LHFPL3: variants seen among roughly 807,000 people sequenced by gnomAD.
The protein encoded by LHFPL3 is LHFPL tetraspan subfamily member 3.
A neutral mutation model predicts 19.3 loss-of-function variants in LHFPL3; 5 were observed. The observed-to-expected ratio is 0.26, with a 90% CI of 0.14 to 0.54. The LOEUF is 0.54. Among genes scored for constraint, LHFPL3 ranks in the 20% least tolerant of loss-of-function variants. The probability of loss-of-function intolerance (pLI) is 0.94; values close to 1 mark genes in which losing one functional copy is unlikely to be tolerated. For missense variants in LHFPL3, 249 were observed against 307.4 expected, an observed-to-expected ratio of 0.81 and a Z score of 1.42; for synonymous variants, 133 against 126.2, an observed-to-expected ratio of 1.05 and a Z score of -0.36.
intron 2 of LHFPL3, among the ~76,000 whole-genome samples, chr7:104,789,546 T>A (rs4730048): frequency 0.5 from 76,478 of 151,848 alleles, 19,658 homozygotes; most frequent in East Asian, 0.83. Context: ...TTTCTGTCCC[T>A]TTACCCAGCC....
intron 1 of LHFPL3, among the ~76,000 whole-genome samples, chr7:104,559,657 C>A (rs945178810): frequency 6.6e-6 from 1 of 152,108 alleles, no homozygotes; most frequent in African/African-American, 2.4e-5. Flanking sequence ...ATTTTCCTAA[C>A]TGAATACCCT....
intron 1 of LHFPL3, among the ~76,000 whole-genome samples, chr7:104,391,010 C>T (rs180713015): frequency 5.9e-5 from 9 of 152,090 alleles, no homozygotes; most frequent in Admixed American, 2.0e-4. Flanking sequence ...TCATATCCTT[C>T]GCCTACTTTT....
chr7:104,471,212 C>T (rs1212818877), intron 1 of LHFPL3, among the ~76,000 whole-genome samples: 1 of 152,104 alleles, frequency 6.6e-6, no homozygotes, highest in East Asian at 1.9e-4. Flanking sequence ...TTCTTGGACT[C>T]TAGAAGTCAT....
intron 1 of LHFPL3, among the ~76,000 whole-genome samples, chr7:104,352,324 C>A (rs1465133181): frequency 6.6e-6 from 1 of 151,766 alleles, no homozygotes; most frequent in Non-Finnish European, 1.5e-5. Context: ...ATATTTTAAC[C>A]ATTTTACATA....
intron 1 of LHFPL3, among the ~76,000 whole-genome samples, chr7:104,445,046 A>G (rs1487244851): frequency 6.6e-6 from 1 of 151,836 alleles, no homozygotes; most frequent in Non-Finnish European, 1.5e-5. Context: ...TAATTTGAAT[A>G]TACTCTAAAG....
At chr7:104,628,865 C>T (rs1189085575) in intron 1 of LHFPL3, among the ~76,000 whole-genome samples, 1 of 152,052 alleles carries the variant, frequency 6.6e-6, no homozygotes, top group Non-Finnish European at 1.5e-5. Flanking sequence ...TTTTGGAGGC[C>T]ACATTGTAAA....
chr7:104,726,797 A>C (rs1793600059), intron 1 of LHFPL3, among the ~76,000 whole-genome samples: 1 of 152,184 alleles, frequency 6.6e-6, no homozygotes. Context: ...AAACATATGC[A>C]TGCATGTGTC....
chr7:104,476,482 G>A (rs535631887), intron 1 of LHFPL3, among the ~76,000 whole-genome samples: 2 of 150,596 alleles, frequency 1.3e-5, no homozygotes, highest in African/African-American at 2.4e-5. Flanking sequence ...TTTTTGAGAT[G>A]AAGTTTTGCT....
At position 104,551,817 on chromosome 7, in the gene LHFPL3, G is replaced by C. The variant is rs538691819; in HGVS notation, c.446-184858G>C. On this transcript the variant is annotated intron_variant, in intron 1 of 2. Transcript: ENST00000424859. The stretch of plus-strand genomic sequence containing the variant: ...ATAGTTCTCCCAGGGAGAAGCAGGA[G>C]AACGGAGGGAAAGACACCATTTGAA... Among the ~76,000 whole-genome samples the C allele has an allele frequency of 2.6e-5, 4 of 152,306 alleles. No homozygotes were observed. In the East Asian group the frequency reaches 7.7e-4, roughly 29 times the overall value.
At chr7:104,544,390 G>A (rs529489393) in intron 1 of LHFPL3, among the ~76,000 whole-genome samples, 21 of 152,260 alleles carry the variant, frequency 1.4e-4, no homozygotes, top group African/African-American at 3.9e-4. Context: ...GTGGTGATTA[G>A]GCAAACACCC....
intron 2 of LHFPL3, among the ~76,000 whole-genome samples, chr7:104,780,168 C>T (rs1584530356): frequency 6.6e-6 from 1 of 152,170 alleles, no homozygotes. Context: ...GATAGGGCCC[C>T]ACCCCACATA....
chr7:104,740,227 T>C (rs1477665696), intron 2 of LHFPL3, among the ~76,000 whole-genome samples: 1 of 152,194 alleles, frequency 6.6e-6, no homozygotes, highest in Non-Finnish European at 1.5e-5. Flanking sequence ...CTCTTTCCTT[T>C]ATAAATTACA....
chr7:104,541,325 T>C (rs1197615178), intron 1 of LHFPL3, among the ~76,000 whole-genome samples: 2 of 152,072 alleles, frequency 1.3e-5, no homozygotes, highest in African/African-American at 2.4e-5. Flanking sequence ...TGTAAATAAC[T>C]TGGGGTCAAG....
chr7:104,676,331 CA>C (rs1390727520), intron 1 of LHFPL3, among the ~76,000 whole-genome samples: 3 of 152,182 alleles, frequency 2.0e-5, no homozygotes, highest in Non-Finnish European at 2.9e-5. Context: ...ACTAACACAT[CA>C]ATAGAGGCCT....
chr7:104,498,896 T>C (rs1039040266), intron 1 of LHFPL3, among the ~76,000 whole-genome samples: 2 of 152,230 alleles, frequency 1.3e-5, no homozygotes, highest in East Asian at 3.8e-4. Context: ...AACATTTAAG[T>C]AAATTTTAAA....
chr7:104,413,207 C>T (rs898870135), intron 1 of LHFPL3, among the ~76,000 whole-genome samples: 1 of 152,182 alleles, frequency 6.6e-6, no homozygotes, highest in African/African-American at 2.4e-5. Context: ...GAGTGAGACC[C>T]CAGGTAGTGT....
At chr7:104,772,423 T>G (rs1478647802) in intron 2 of LHFPL3, among the ~76,000 whole-genome samples, 1 of 152,198 alleles carries the variant, frequency 6.6e-6, no homozygotes, top group Admixed American at 6.5e-5. Context: ...AGCTGTCTTA[T>G]AGCCATGCAG....
intron 2 of LHFPL3, among the ~76,000 whole-genome samples, chr7:104,796,246 G>A (rs979777266): frequency 6.6e-6 from 1 of 152,208 alleles, no homozygotes; most frequent in African/African-American, 2.4e-5. Flanking sequence ...TTGTATTTTA[G>A]AGTGTGTGAC....
intron 1 of LHFPL3, among the ~76,000 whole-genome samples, chr7:104,448,021 A>G (rs774292541): frequency 1.3e-5 from 2 of 152,100 alleles, no homozygotes; most frequent in African/African-American, 2.4e-5. Context: ...CTTCTGCTGT[A>G]TATACTGAGA....
Sources: allele counts gnomAD v4.1 joint callset (sites outside exome capture counted in the v4.1 genomes callset), GRCh38; gene constraint gnomAD v4.1.1; transcripts MANE v1.5; gene names NCBI Gene and HGNC (gene_info 2026-07-23, HGNC 2026-07-21).